The following ACSS3 variants were observed in gnomAD, a reference collection of about 807,000 sequenced individuals.
ACSS3 encodes acyl-CoA synthetase short-chain family member 3, mitochondrial.
ACSS3 carries 64 observed loss-of-function variants against 84.2 expected under a neutral mutation model. The ratio of observed to expected loss-of-function variants is 0.76; its 90% CI spans 0.62 to 0.94. The LOEUF (loss-of-function observed/expected upper bound fraction) is 0.94. ACSS3 is among the 40% of genes least tolerant of loss of function. ACSS3 has a pLI of 0.00. For missense variants in ACSS3, 815 were observed against 867.6 expected, an observed-to-expected ratio of 0.94 and a Z score of 0.76; for synonymous variants, 317 against 310.1, an observed-to-expected ratio of 1.02 and a Z score of -0.23.
intron 13 of ACSS3, among the ~76,000 whole-genome samples, chr12:81,234,525 AG>A (rs1217697211): frequency 6.6e-6 from 1 of 151,476 alleles, no homozygotes; most frequent in African/African-American, 2.4e-5. Context: ...GCAGTATTTA[AG>A]GGTTCATACT....
At chr12:81,155,635 T>C (rs1428389557) in intron 7 of ACSS3, among the ~76,000 whole-genome samples, 1 of 152,250 alleles carries the variant, frequency 6.6e-6, no homozygotes, top group Non-Finnish European at 1.5e-5. Context: ...TTACAGTTTG[T>C]TGAATCTACT....
intron 5 of ACSS3, among the ~76,000 whole-genome samples, chr12:81,144,627 C>T (rs935679332): frequency 2.0e-5 from 3 of 152,006 alleles, no homozygotes; most frequent in African/African-American, 7.2e-5. Context: ...CCTGAAAACA[C>T]AGTATAACTT....
chr12:81,121,770 C>T (rs553660658), intron 2 of ACSS3, among the ~76,000 whole-genome samples: 2 of 152,138 alleles, frequency 1.3e-5, no homozygotes, highest in African/African-American at 4.8e-5. Context: ...CCTCAATTCT[C>T]TTGTCACATA....
intron 2 of ACSS3, chr12:81,125,728 T>A (rs1175077671): frequency 6.6e-6 from 1 of 152,138 alleles, no homozygotes; most frequent in Non-Finnish European, 1.5e-5. Flanking sequence ...TCAGCCCACA[T>A]CTCTCTTCTG....
At chr12:81,115,019 AT>A (rs570929724) in intron 2 of ACSS3, among the ~76,000 whole-genome samples, 72 of 152,036 alleles carry the variant, frequency 4.7e-4, no homozygotes, top group Middle Eastern at 3.4e-3. Flanking sequence ...TTGTGTCAGG[AT>A]TTTTTCACTC....
chr12:81,155,085 T>C (rs1593136415), intron 7 of ACSS3, among the ~76,000 whole-genome samples: 1 of 152,148 alleles, frequency 6.6e-6, no homozygotes, highest in Non-Finnish European at 1.5e-5. Context: ...TAGAAGAGGG[T>C]ATCATCTCGA....
intron 2 of ACSS3, among the ~76,000 whole-genome samples, chr12:81,123,564 T>C (rs1446394267): frequency 2.6e-5 from 4 of 152,120 alleles, no homozygotes; most frequent in Non-Finnish European, 5.9e-5. Flanking sequence ...TGAGGTTTGT[T>C]GTTCAGATGA....
At chr12:81,239,042 T>A (rs888886731) in intron 13 of ACSS3, among the ~76,000 whole-genome samples, 1 of 151,844 alleles carries the variant, frequency 6.6e-6, no homozygotes, top group African/African-American at 2.4e-5. Flanking sequence ...CCATAAATAT[T>A]GATGTTATAT....
At chr12:81,162,009 G>T (rs1887177293) in intron 7 of ACSS3, among the ~76,000 whole-genome samples, 2 of 152,280 alleles carry the variant, frequency 1.3e-5, no homozygotes, top group East Asian at 1.9e-4. Context: ...GGTCTGGGCT[G>T]CTCAAAGGGC....
At chr12:81,249,187 T>C (rs1395246020) in intron 13 of ACSS3, among the ~76,000 whole-genome samples, 2 of 152,112 alleles carry the variant, frequency 1.3e-5, no homozygotes, top group Non-Finnish European at 2.9e-5. Flanking sequence ...AAATTGTGTC[T>C]AAAATCTGCT....
At chr12:81,167,905 G>A (rs1035920154) in intron 7 of ACSS3, among the ~76,000 whole-genome samples, 2 of 152,178 alleles carry the variant, frequency 1.3e-5, no homozygotes, top group Non-Finnish European at 2.9e-5. Context: ...GAAAGGAAAT[G>A]ACTCAAGCCT....
intron 1 of ACSS3, among the ~76,000 whole-genome samples, chr12:81,105,195 C>T (rs1303904816): frequency 1.9e-4 from 29 of 152,108 alleles, no homozygotes; most frequent in Admixed American, 1.2e-3. Context: ...TTAAAGCGGC[C>T]ATCATAAAAG....
Position 81,078,456 on chromosome 12 carries a change from G to A in ACSS3, c.311+25G>A, listed in dbSNP as rs189529003. On this transcript the variant is annotated intron_variant, in intron 1 of 15. Transcript: ENST00000548058. ...GGTGAGTGACTTCTGTGCCAACCCT[G>A]ATCCCCCATCCCTGGTAACTTTTTG... The A allele has an allele frequency of 6.8e-6, 11 of 1,609,080 alleles. No homozygotes were observed. The Admixed American group carries it at 1.9e-4, about 27-fold the overall frequency.
intron 11 of ACSS3, among the ~76,000 whole-genome samples, chr12:81,221,924 A>G (rs1368485147): frequency 6.6e-6 from 1 of 152,098 alleles, no homozygotes; most frequent in Non-Finnish European, 1.5e-5. Flanking sequence ...CAGAGGTGGC[A>G]TTTGATGCCA....
intron 13 of ACSS3, among the ~76,000 whole-genome samples, chr12:81,241,810 T>G (rs1290623803): frequency 6.6e-6 from 1 of 152,180 alleles, no homozygotes; most frequent in Non-Finnish European, 1.5e-5. Context: ...GATGGTAGTT[T>G]CTTTTGCTGT....
At chr12:81,114,446 AT>A (rs1883869398) in intron 2 of ACSS3, among the ~76,000 whole-genome samples, 1 of 152,182 alleles carries the variant, frequency 6.6e-6, no homozygotes, top group Admixed American at 6.6e-5. Flanking sequence ...ATAATCTGAC[AT>A]TTTTTCATCT....
chr12:81,215,042 C>T (rs527685265), intron 9 of ACSS3, among the ~76,000 whole-genome samples: 6 of 152,286 alleles, frequency 3.9e-5, no homozygotes, highest in African/African-American at 1.4e-4. Context: ...TCACCCTGCT[C>T]TGGTCTCTCA....
At chr12:81,230,671 G>A (rs1388570289) in intron 11 of ACSS3, among the ~76,000 whole-genome samples, 1 of 151,818 alleles carries the variant, frequency 6.6e-6, no homozygotes, top group Non-Finnish European at 1.5e-5. Context: ...CAATATCTTA[G>A]TACTTCAAAA....
At chr12:81,188,166 C>T (rs2031373515) in intron 8 of ACSS3, among the ~76,000 whole-genome samples, 1 of 151,468 alleles carries the variant, frequency 6.6e-6, no homozygotes, top group Non-Finnish European at 1.5e-5. Context: ...TTGAACAAAC[C>T]TTAAAATTTA....
Sources: gnomAD v4.1 joint callset for allele counts (sites outside exome capture counted in the v4.1 genomes callset) on GRCh38, gnomAD v4.1.1 for gene constraint, MANE v1.5 for transcripts, NCBI Gene and HGNC (gene_info 2026-07-23, HGNC 2026-07-21) for gene names.